The following LGI2 variants were observed in gnomAD, a reference collection of about 807,000 sequenced individuals.
LGI2 encodes the protein leucine rich repeat LGI family member 2, also known as leucine-rich repeat LGI family member 2.
A neutral mutation model predicts 52.0 loss-of-function variants in LGI2; 30 were observed. The observed-to-expected ratio is 0.58, with a 90% CI of 0.43 to 0.78. The LOEUF (loss-of-function observed/expected upper bound fraction) is 0.78, where lower values mean the gene tolerates loss of function less well. Ranked by LOEUF, LGI2 falls within the 30% of genes least tolerant of loss-of-function variation. The pLI is 0.00. For missense variants in LGI2, 573 were observed against 692.5 expected, an observed-to-expected ratio of 0.83 and a Z score of 1.94; for synonymous variants, 270 against 271.8, an observed-to-expected ratio of 0.99 and a Z score of 0.06.
chr4:25,004,358 G>A lies in LGI2; in HGVS notation c.821-90C>T. 2 of 1,144,650 alleles carry A rather than the reference G, an allele frequency of 1.7e-6. No homozygotes were observed. The highest frequency in any genetic ancestry group is 2.5e-6 in the Non-Finnish European group (2 of 806,970). The allele number at this position is 1,144,650 out of a possible 1,614,324, so 70.9% of individuals were successfully genotyped here. ...ACTCTTATACACTGCTGGTGGGAGT[G>A]TGAAATGGCACAGCCACTATGGAAA... On this transcript the variant is annotated intron_variant, in intron 7 of 7. Coordinates refer to ENST00000382114, the MANE Select transcript of LGI2 (RefSeq NM_018176.4). The surrounding 1 kb of genome is among the most constrained non-coding windows in gnomAD (Gnocchi z 4.6).
Position 25,017,991 on chromosome 4 carries a change from G to A in LGI2, c.653C>T (p.Thr218Ile). The A allele has an allele frequency of 6.2e-7, 1 of 1,608,530 alleles. No homozygotes were observed. Among genetic ancestry groups the A allele is most frequent in the Non-Finnish European group, 8.5e-7 (1 of 1,178,226 alleles). Residue 218 changes from threonine to isoleucine, a missense_variant and splice_region_variant, in exon 6 of 8, where the codon ACA becomes ATA. By Grantham distance (89) the Thr-to-Ile change is moderately conservative. Coordinates refer to ENST00000382114, the MANE Select transcript of LGI2 (RefSeq NM_018176.4). ...CTGATGAGATAGGCTCTGAATACCT[G>A]TAGTTGTGCATTCATAGTCAAAGCT... ...VTSFDYECTT[T>I]DFVVHQTLPY... is the part of the protein sequence containing the mutation.
At chr4:25,013,647 G>A (rs1725659884) in intron 6 of LGI2, among the ~76,000 whole-genome samples, 1 of 152,172 alleles carries the variant, frequency 6.6e-6, no homozygotes, top group African/African-American at 2.4e-5. Context: ...TAAAATGAAG[G>A]TGGTGTCTAT....
chr4:25,000,708 T>C lies in LGI2; in HGVS notation c.*2743A>G, dbSNP rs1725214925. 1 of 152,230 alleles carries C rather than the reference T, an allele frequency of 6.6e-6. No individual in the cohort carries two copies. 9.4% of individuals were successfully genotyped at this position (152,230 alleles called of 1,614,324 possible). ...GCTGAGCAGACGACCACCCAGTGGG[T>C]GATGGGAGGGAAAGTAGAAGAAAGA... On this transcript the variant is annotated 3_prime_UTR_variant, in exon 8 of 8. Transcript: ENST00000382114.
chr4:25,025,041 A>G, intron 3 of LGI2, 150 bp from the exon 4 acceptor site: 1 of 575,606 alleles, frequency 1.7e-6, no homozygotes, highest in Non-Finnish European at 3.0e-6. Flanking sequence ...ACCAAATTCC[A>G]TGTGGTAGCA....
rs1339076792 is a variant in LGI2, at chr4:25,005,735, T to G, written c.821-1467A>C. Among the ~76,000 whole-genome samples, 3 of 152,064 alleles carry G rather than the reference T, an allele frequency of 2.0e-5. No homozygotes were observed. The East Asian group carries it at 5.8e-4, about 29-fold the overall frequency. On this transcript the variant is annotated intron_variant, in intron 7 of 7. Coordinates refer to ENST00000382114, the MANE Select transcript of LGI2 (RefSeq NM_018176.4). The stretch of plus-strand genomic sequence containing the variant: ...AGATTTCTGAGTGTTCTTGAAGACA[T>G]TTGGGCTCTTTTGATTTCCAGAGCT...
intron 6 of LGI2, among the ~76,000 whole-genome samples, chr4:25,014,853 A>AAAG (rs1491057767): frequency 1.0e-5 from 1 of 99,808 alleles, no homozygotes; most frequent in African/African-American, 4.5e-5. Context: ...AAAAAAAAAA[A>AAAG]AGAGAGAGAG....
chr4:25,029,583 A>G (rs1726258960), intron 1 of LGI2, among the ~76,000 whole-genome samples: 1 of 152,248 alleles, frequency 6.6e-6, no homozygotes, highest in Non-Finnish European at 1.5e-5. Context: ...CAGTAAAGAT[A>G]CAGCCCAACA....
chr4:25,020,401 G>A (rs1019966988), intron 4 of LGI2, among the ~76,000 whole-genome samples: 7 of 152,248 alleles, frequency 4.6e-5, no homozygotes, highest in Admixed American at 1.3e-4. Context: ...GAATGTCCAC[G>A]GTGCAGGGCT....
intron 7 of LGI2, 74 bp downstream of exon 7, chr4:25,012,261 G>T (rs1025840364): frequency 1.3e-6 from 2 of 1,533,494 alleles, no homozygotes; most frequent in Admixed American, 1.7e-5. Flanking sequence ...TCAATACAGA[G>T]GACATTCCTC....
chr4:25,018,636 C>T (rs570070873), intron 5 of LGI2, among the ~76,000 whole-genome samples: 2 of 152,226 alleles, frequency 1.3e-5, no homozygotes, highest in South Asian at 2.1e-4. Context: ...CCAAGGTAGG[C>T]AGATCACCTG....
intron 1 of LGI2, among the ~76,000 whole-genome samples, chr4:25,029,402 C>T (rs1326424586): frequency 6.6e-6 from 1 of 152,228 alleles, no homozygotes; most frequent in Non-Finnish European, 1.5e-5. Context: ...ACTCCTGGGT[C>T]CAGGCCCCTA....
chr4:25,021,570 T>A (rs1725959337), intron 4 of LGI2, among the ~76,000 whole-genome samples: 1 of 152,166 alleles, frequency 6.6e-6, no homozygotes, highest in Non-Finnish European at 1.5e-5. Flanking sequence ...GTGAATTGAT[T>A]CATTCTTTAC....
At chr4:25,028,154 A>G (rs913908863) in intron 2 of LGI2, among the ~76,000 whole-genome samples, 1 of 152,264 alleles carries the variant, frequency 6.6e-6, no homozygotes, top group Non-Finnish European at 1.5e-5. Context: ...GAGTAACATT[A>G]AGATTTTAAA....
intron 6 of LGI2, among the ~76,000 whole-genome samples, chr4:25,016,518 A>G (rs1162160584): frequency 1.3e-5 from 2 of 152,240 alleles, no homozygotes; most frequent in Non-Finnish European, 2.9e-5. Flanking sequence ...AAAATACAAT[A>G]AACTAACCTC....
At chr4:25,008,170 G>T (rs948494650) in intron 7 of LGI2, among the ~76,000 whole-genome samples, 1 of 152,152 alleles carries the variant, frequency 6.6e-6, no homozygotes, top group African/African-American at 2.4e-5. Context: ...CTACGTTCAT[G>T]CAAGTTGTGG....
At chr4:25,029,260 T>C (rs1726250524) in intron 1 of LGI2, among the ~76,000 whole-genome samples, 1 of 152,160 alleles carries the variant, frequency 6.6e-6, no homozygotes, top group Non-Finnish European at 1.5e-5. Context: ...TCTGAAGGAT[T>C]TAATAAGGGG....
intron 4 of LGI2, among the ~76,000 whole-genome samples, chr4:25,019,545 C>T (rs1725886455): frequency 6.6e-6 from 1 of 152,114 alleles, no homozygotes; most frequent in Admixed American, 6.5e-5. Context: ...CCCTTTATTG[C>T]CTGGCTACCT....
At chr4:24,996,493 A>T (rs1327215067), downstream of LGI2, among the ~76,000 whole-genome samples, 1 of 152,200 alleles carries the variant, frequency 6.6e-6, no homozygotes, top group Non-Finnish European at 1.5e-5. Context: ...GAATTCTTTG[A>T]CAGGTTAAGA....
At chr4:25,011,505 G>A (rs1197214410) in intron 7 of LGI2, among the ~76,000 whole-genome samples, 1 of 151,786 alleles carries the variant, frequency 6.6e-6, no homozygotes, top group Non-Finnish European at 1.5e-5. Flanking sequence ...GTACCTGCTG[G>A]GAAGCCACTT....
Sources: gnomAD v4.1 joint callset for allele counts (sites outside exome capture counted in the v4.1 genomes callset) on GRCh38, gnomAD v4.1.1 for gene constraint, Gnocchi (gnomAD v3.1) non-coding constraint, MANE v1.5 for transcripts, NCBI Gene and HGNC (gene_info 2026-07-23, HGNC 2026-07-21) for gene names.